The following FNIP2 variants were observed in gnomAD, a reference collection of about 807,000 sequenced individuals.
FNIP2 encodes the protein folliculin interacting protein 2.
In FNIP2, 32 loss-of-function variants were observed where a neutral mutation model predicts 108.7. The observed-to-expected ratio is 0.29, with a 90% CI of 0.22 to 0.40. FNIP2 has a LOEUF of 0.40. FNIP2 is among the 10% of genes least tolerant of loss of function. FNIP2 has a pLI of 1.00. For synonymous variants in FNIP2, 480 were observed against 496.7 expected (o/e 0.97, Z 0.45); for missense variants, 1,202 against 1,381.6 (o/e 0.87, Z 2.06).
chr4:158,780,209 GA>G lies in FNIP2; in HGVS notation c.107+10901del, dbSNP rs1182030064. Among the ~76,000 whole-genome samples, 131 of 135,576 alleles carry G rather than the reference GA, an allele frequency of 9.7e-4. No homozygotes were observed. In the South Asian group the frequency reaches 0.012, roughly 12 times the overall value. 88.9% of individuals were successfully genotyped at this position (135,576 alleles called of 152,430 possible). On this transcript the variant is annotated intron_variant, in intron 1 of 16. Transcript: ENST00000264433. ...GGTGACAGAGGGAGACCCTGTCTCA[GA>G]AAAAAAAAAAGGAAAACTATAAAAT...
At chr4:158,792,603 A>G (rs1350419397) in intron 1 of FNIP2, among the ~76,000 whole-genome samples, 1 of 152,182 alleles carries the variant, frequency 6.6e-6, no homozygotes, top group African/African-American at 2.4e-5. Flanking sequence ...AGAAACACAT[A>G]TACACTATAA....
chr4:158,866,038 A>G (rs1199025718), intron 12 of FNIP2, among the ~76,000 whole-genome samples: 2 of 147,392 alleles, frequency 1.4e-5, no homozygotes, highest in South Asian at 2.2e-4. Context: ...TTTTTCCCAT[A>G]CTCATCTATT....
chr4:158,803,294 A>G (rs1243625028), intron 1 of FNIP2, among the ~76,000 whole-genome samples: 2 of 152,230 alleles, frequency 1.3e-5, no homozygotes, highest in Non-Finnish European at 2.9e-5. Context: ...TAATATGCAT[A>G]GTATTTAATA....
chr4:158,887,709 C>T (rs1193018953), intron 14 of FNIP2, among the ~76,000 whole-genome samples: 2 of 115,074 alleles, frequency 1.7e-5, no homozygotes, highest in Non-Finnish European at 3.2e-5. Context: ...TGCACTCCAG[C>T]CTGGGTGACA....
chr4:158,815,583 C>T (rs1031253689), intron 1 of FNIP2, among the ~76,000 whole-genome samples: 23 of 152,186 alleles, frequency 1.5e-4, no homozygotes, highest in Admixed American at 3.9e-4. Context: ...CCAGGATGCT[C>T]TTGATCTCCT....
At chr4:158,789,518 A>C (rs994189725) in intron 1 of FNIP2, among the ~76,000 whole-genome samples, 1 of 152,174 alleles carries the variant, frequency 6.6e-6, no homozygotes, top group Non-Finnish European at 1.5e-5. Context: ...TGAGCTCTAA[A>C]AGTAAACTTA....
Position 158,792,351 on chromosome 4 carries a change from C to T in FNIP2, c.107+23032C>T, listed in dbSNP as rs1776447790. On this transcript the variant is annotated intron_variant, in intron 1 of 16. Transcript: ENST00000264433. ...GTCAGCTCTTCTATAAACAAGTGTC[C>T]TTTTCACAGTGAATTTAGTGCTTTT... 2.0e-5 allele frequency among the ~76,000 whole-genome samples: 3 copies of T among 150,280 alleles called. No individual in the cohort carries two copies. In the South Asian group the frequency reaches 6.3e-4, roughly 31 times the overall value.
intron 3 of FNIP2, among the ~76,000 whole-genome samples, chr4:158,830,710 C>T (rs944333221): frequency 1.3e-5 from 2 of 152,156 alleles, no homozygotes; most frequent in Non-Finnish European, 2.9e-5. Context: ...GGGTGATTCC[C>T]ATGTTTTTCC....
intron 15 of FNIP2, among the ~76,000 whole-genome samples, 183 bp downstream of exon 15, chr4:158,891,829 C>T (rs1488551949): frequency 6.6e-6 from 1 of 152,148 alleles, no homozygotes; most frequent in Non-Finnish European, 1.5e-5. Context: ...ATAGCTCTTC[C>T]GTGAAACAAA....
rs1402449582 is a variant in FNIP2, at chr4:158,905,781, C to T, written c.*1237C>T. 1 of 151,314 alleles carries T rather than the reference C, an allele frequency of 6.6e-6. No homozygotes were observed. Among genetic ancestry groups the T allele is most frequent in the Non-Finnish European group, 1.5e-5 (1 of 67,942 alleles). 9.4% of individuals were successfully genotyped at this position (151,314 alleles called of 1,614,324 possible). On this transcript the variant is annotated 3_prime_UTR_variant, in exon 17 of 17. Transcript: ENST00000264433. ...CGTGAAACAGACTATGTACTGACAT[C>T]CAGGGTAAAGTAAAAGACTTTTAAA...
rs992995737 is a variant in FNIP2, at chr4:158,851,531, T to A, written c.857+81T>A. 1.3e-5 allele frequency: 20 copies of A among 1,530,014 alleles called. No individual in the cohort carries two copies. In the East Asian group the frequency reaches 3.9e-4, roughly 30 times the overall value. 94.8% of individuals were successfully genotyped at this position (1,530,014 alleles called of 1,614,324 possible). On this transcript the variant is annotated intron_variant, in intron 8 of 16. Coordinates refer to ENST00000264433, the MANE Select transcript of FNIP2 (RefSeq NM_020840.3). ...AACTGGCAGGGAGGCTGTTCGTGCC[T>A]ATTGTCAGTGGAAAAAAAACCAAAA...
chr4:158,783,223 A>G (rs1278124215), intron 1 of FNIP2, among the ~76,000 whole-genome samples: 1 of 152,220 alleles, frequency 6.6e-6, no homozygotes, highest in African/African-American at 2.4e-5. Flanking sequence ...AAGATTAGCA[A>G]TTGATGGTGA....
At chr4:158,787,586 A>G (rs941275472) in intron 1 of FNIP2, among the ~76,000 whole-genome samples, 3 of 152,308 alleles carry the variant, frequency 2.0e-5, no homozygotes, top group African/African-American at 7.2e-5. Flanking sequence ...CACCTCAGCC[A>G]ATTTTTAGTC....
chr4:158,900,977 TTTTCC>T (rs985819408), intron 16 of FNIP2, among the ~76,000 whole-genome samples: 3 of 152,192 alleles, frequency 2.0e-5, no homozygotes, highest in Admixed American at 6.5e-5. Flanking sequence ...TGGTACCGCT[TTTTCC>T]TTTCCATGTA....
intron 1 of FNIP2, among the ~76,000 whole-genome samples, chr4:158,811,988 A>G (rs1777301312): frequency 6.6e-6 from 1 of 152,202 alleles, no homozygotes; most frequent in Non-Finnish European, 1.5e-5. Flanking sequence ...TAAAAAGAAT[A>G]TTGCCTCAGG....
intron 15 of FNIP2, among the ~76,000 whole-genome samples, chr4:158,895,424 T>C (rs192674245): frequency 1.3e-5 from 2 of 152,330 alleles, no homozygotes; most frequent in East Asian, 1.9e-4. Flanking sequence ...AAGTTCTTAA[T>C]ATGGGAAAGG....
chr4:158,884,181 A>G (rs912189725), intron 14 of FNIP2, among the ~76,000 whole-genome samples: 1 of 152,150 alleles, frequency 6.6e-6, no homozygotes, highest in Non-Finnish European at 1.5e-5. Flanking sequence ...GGTGCATTGG[A>G]GGTATAATAT....
chr4:158,826,541 G>T (rs1470592099), intron 2 of FNIP2, among the ~76,000 whole-genome samples: 1 of 151,882 alleles, frequency 6.6e-6, no homozygotes, highest in Admixed American at 6.6e-5. Flanking sequence ...TCTTCAAAAA[G>T]GATTGTTTCT....
chr4:158,834,912 G>A (rs1778716964), intron 6 of FNIP2: 1 of 154,194 alleles, frequency 6.5e-6, no homozygotes, highest in Non-Finnish European at 1.4e-5. Flanking sequence ...TATCTGCCAA[G>A]AGAGTGGGTT....
Sources: allele counts gnomAD v4.1 joint callset (sites outside exome capture counted in the v4.1 genomes callset), GRCh38; gene constraint gnomAD v4.1.1; transcripts MANE v1.5; gene names NCBI Gene and HGNC (gene_info 2026-07-23, HGNC 2026-07-21).